The following ZNF569 variants were observed in gnomAD, a reference collection of about 807,000 sequenced individuals.
ZNF569 encodes zinc finger protein 569.
A neutral mutation model predicts 56.3 loss-of-function variants in ZNF569; 38 were observed. The ratio of observed to expected loss-of-function variants is 0.68; its 90% CI spans 0.52 to 0.88. The LOEUF (loss-of-function observed/expected upper bound fraction) is 0.88. ZNF569 is among the 40% of genes least tolerant of loss of function. The pLI, the probability that ZNF569 is intolerant of heterozygous loss-of-function variation, is 0.00. For synonymous variants in ZNF569, 241 were observed against 262.9 expected (o/e 0.92, Z 0.81); for missense variants, 666 against 809.2 (o/e 0.82, Z 2.15).
chr19:37,426,983 G>A (rs1183632056), intron 3 of ZNF569, among the ~76,000 whole-genome samples: 1 of 152,094 alleles, frequency 6.6e-6, no homozygotes, highest in Non-Finnish European at 1.5e-5. Flanking sequence ...GTTTTTTAAT[G>A]GTCAGAAATA....
At chr19:37,423,723 G>A (rs1191765469) in intron 5 of ZNF569, among the ~76,000 whole-genome samples, 1 of 151,990 alleles carries the variant, frequency 6.6e-6, no homozygotes, top group Non-Finnish European at 1.5e-5. Flanking sequence ...CAGAAACAAG[G>A]GCAAAGGATA....
At chr19:37,451,954 T>C (rs1029169984) in intron 2 of ZNF569, among the ~76,000 whole-genome samples, 1 of 152,234 alleles carries the variant, frequency 6.6e-6, no homozygotes, top group African/African-American at 2.4e-5. Flanking sequence ...AAGAATTTAC[T>C]ATTGCTATTT....
chr19:37,464,093 G>A (rs1410045050), intron 2 of ZNF569, among the ~76,000 whole-genome samples: 1 of 152,140 alleles, frequency 6.6e-6, no homozygotes, highest in Non-Finnish European at 1.5e-5. Context: ...GGTGTTTATA[G>A]TCAACAGTAG....
At chr19:37,440,829 A>G (rs2041392033) in intron 3 of ZNF569, among the ~76,000 whole-genome samples, 1 of 152,232 alleles carries the variant, frequency 6.6e-6, no homozygotes, top group South Asian at 2.1e-4. Context: ...TGGAGAAGTG[A>G]ACCTTTTATT....
At chr19:37,418,101 A>AAATAATAATAAT (rs199794961) in intron 5 of ZNF569, among the ~76,000 whole-genome samples, 4,177 of 143,242 alleles carry the variant, frequency 0.029, 196 homozygotes, top group African/African-American at 0.099. Context: ...ACTCCATCTC[A>AAATAATAATAAT]AATAATAATA....
chr19:37,433,608 G>C (rs1319282703), intron 3 of ZNF569, among the ~76,000 whole-genome samples: 3 of 152,142 alleles, frequency 2.0e-5, no homozygotes, highest in Non-Finnish European at 4.4e-5. Context: ...AACACAGCAA[G>C]AGAAAAGAAA....
At position 37,413,285 on chromosome 19, in the gene ZNF569, C is replaced by A. The variant is rs143026616; in HGVS notation, c.1373G>T (p.Arg458Ile). ...ATAGGGTTTTTCCCCAGTATGAATT[C>A]TCTGGTGTCTAACAAGATTTGACAT... ...IQMSNLVRHQ[R>I]IHTGEKPYIC... The change falls in exon 6 of 6, where the codon AGA becomes ATA. Residue 458 changes from arginine (R) to isoleucine (I), a missense_variant. Arg to Ile is a moderately conservative substitution (Grantham distance 97, BLOSUM62 -3). Transcript: ENST00000316950. 6.8e-6 allele frequency: 11 copies of A among 1,610,544 alleles called. No individual in the cohort carries two copies. Among genetic ancestry groups the A allele is most frequent in the Admixed American group, 6.8e-5 (4 of 59,198 alleles).
At chr19:37,467,882 TCAGAGA>T, upstream of ZNF569, 1 of 1,536,128 alleles carries the variant, frequency 6.5e-7, no homozygotes, top group Non-Finnish European at 8.7e-7. Flanking sequence ...TGCAGTTTTG[TCAGAGA>T]CAATGTGCAT....
chr19:37,419,581 G>A (rs1484020941), intron 5 of ZNF569, among the ~76,000 whole-genome samples: 4 of 151,938 alleles, frequency 2.6e-5, no homozygotes, highest in Admixed American at 6.6e-5. Context: ...AAAATTAGCC[G>A]GGCGTGGTGG....
chr19:37,455,448 T>C (rs2041657150), intron 2 of ZNF569, among the ~76,000 whole-genome samples: 1 of 152,178 alleles, frequency 6.6e-6, no homozygotes, highest in African/African-American at 2.4e-5. Context: ...TCATGCATGA[T>C]TCCCTCCTGA....
In ZNF569 at chr19:37,425,974, G is replaced by T; in HGVS notation, c.143-11C>A. The T allele has an allele frequency of 3.7e-6, 6 of 1,613,444 alleles. No homozygotes were observed. The highest frequency in any genetic ancestry group is 4.2e-6 in the Non-Finnish European group (5 of 1,179,592). ...TGGTGAACGGATAGCCTGTCAAAGG[G>T]AAGTTACATAGATTTGGGCATACAT... is the stretch of plus-strand genomic sequence containing the variant. On this transcript the variant is annotated splice_polypyrimidine_tract_variant and intron_variant, in intron 4 of 5. Transcript: ENST00000316950.
In ZNF569 at chr19:37,414,537, C is replaced by T. The variant is rs990130818; in HGVS notation, c.239-118G>A. On this transcript the variant is annotated intron_variant, in intron 5 of 5. Coordinates refer to ENST00000316950, the MANE Select transcript of ZNF569 (RefSeq NM_152484.3). The stretch of plus-strand genomic sequence containing the variant: ...ATTATTGGTTTAAGCCCTACTCTCC[C>T]ACTATTAAAACATTTTCAACTGCAT... 6.1e-5 allele frequency: 86 copies of T among 1,410,746 alleles called. No homozygotes were observed. In the Middle Eastern group the frequency reaches 1.0e-3, roughly 17 times the overall value. 87.4% of individuals were successfully genotyped at this position (1,410,746 alleles called of 1,614,324 possible). A position where few individuals can be genotyped will look rare whatever the true frequency, so the allele number is the denominator to read the frequency against.
At chr19:37,453,294 A>C (rs1231682778) in intron 2 of ZNF569, among the ~76,000 whole-genome samples, 1 of 152,070 alleles carries the variant, frequency 6.6e-6, no homozygotes, top group Non-Finnish European at 1.5e-5. Flanking sequence ...GTCTTGTTTC[A>C]TGTTCTCTCA....
At chr19:37,418,479 T>C (rs905098742) in intron 5 of ZNF569, among the ~76,000 whole-genome samples, 3 of 152,136 alleles carry the variant, frequency 2.0e-5, no homozygotes, top group African/African-American at 7.2e-5. Flanking sequence ...GGATGATAGA[T>C]GTAAACATAA....
chr19:37,455,411 A>G (rs1042693372), intron 2 of ZNF569, among the ~76,000 whole-genome samples: 2 of 152,214 alleles, frequency 1.3e-5, no homozygotes, highest in African/African-American at 2.4e-5. Flanking sequence ...ACTTCCAGCC[A>G]TATCAATTTG....
At chr19:37,435,083 C>G (rs2041287800) in intron 3 of ZNF569, among the ~76,000 whole-genome samples, 1 of 152,016 alleles carries the variant, frequency 6.6e-6, no homozygotes, top group African/African-American at 2.4e-5. Context: ...TGAGATCACG[C>G]CACTACGCTC....
At chr19:37,468,049 T>G, upstream of ZNF569, 1 of 891,970 alleles carries the variant, frequency 1.1e-6, no homozygotes, top group South Asian at 1.5e-5. Context: ...GACTAGGTAC[T>G]TAACTTCTCT....
intron 3 of ZNF569, among the ~76,000 whole-genome samples, chr19:37,442,266 G>A (rs575958363): frequency 2.0e-5 from 3 of 152,322 alleles, no homozygotes; most frequent in East Asian, 1.9e-4. Flanking sequence ...AGACAACCTT[G>A]AGGAAGATGA....
intron 3 of ZNF569, among the ~76,000 whole-genome samples, chr19:37,434,225 G>A (rs889249150): frequency 2.6e-5 from 4 of 151,484 alleles, no homozygotes; most frequent in South Asian, 2.1e-4. Flanking sequence ...GCTTGAACCC[G>A]GGAGGCAGAG....
Sources: allele counts gnomAD v4.1 joint callset (sites outside exome capture counted in the v4.1 genomes callset), GRCh38; gene constraint gnomAD v4.1.1; transcripts MANE v1.5; gene names NCBI Gene and HGNC (gene_info 2026-07-23, HGNC 2026-07-21).